Variants in ADCY6 observed in about 807,000 individuals in gnomAD.
ADCY6 encodes adenylate cyclase type 6.
Under a neutral mutation model 111.6 loss-of-function variants are expected in ADCY6, and 59 were observed. The ratio of observed to expected loss-of-function variants is 0.53; its 90% confidence interval spans 0.43 to 0.66. The LOEUF is 0.66. Among genes scored for constraint, ADCY6 ranks in the 30% least tolerant of loss-of-function variants. The pLI, the probability that ADCY6 is intolerant of heterozygous loss-of-function variation, is 0.00. For missense variants in ADCY6, 1,242 were observed against 1,595.6 expected (o/e 0.78, Z 3.78); for synonymous variants, 576 against 642.9 (o/e 0.90, Z 1.57).
At chr12:48,785,369 C>T (rs766665089) in intron 1 of ADCY6, among the ~76,000 whole-genome samples, 8 of 152,194 alleles carry the variant, frequency 5.3e-5, no homozygotes, top group Non-Finnish European at 1.0e-4. Flanking sequence ...CTTGTAATCC[C>T]AGCACTTTGG....
chr12:48,772,476 C>T (rs2137342513), intron 17 of ADCY6, 32 bp downstream of exon 17: 2 of 1,614,222 alleles, frequency 1.2e-6, no homozygotes, highest in Non-Finnish European at 1.7e-6. Context: ...TCTAATGGCT[C>T]TACCCTTTGC....
At chr12:48,774,291 G>A (rs1941633076) in intron 14 of ADCY6, 111 bp downstream of exon 14, 3 of 1,195,062 alleles carry the variant, frequency 2.5e-6, no homozygotes, top group East Asian at 4.8e-5. Context: ...CCTATTCTGG[G>A]AGGGGGCTCC....
chr12:48,777,722 C>T lies in ADCY6; in HGVS notation c.1029G>A (p.Leu343=), dbSNP rs2137366690. The change falls in exon 4 of 22, where the codon CTG becomes CTA. Residue 343 remains leucine, a synonymous_variant. Transcript: ENST00000357869. This position sits in a 1 kb window ranked among gnomAD's most constrained non-coding sequence, Gnocchi z 4.9. Reference sequence around the variant, plus strand: ...TGGCAACGTGCTGGGGCAATACCGACAGCAGCAGCCGCTCCTAGCCCAGTG... The same window carrying T: ...TGGCAACGTGCTGGGGCAATACCGATAGCAGCAGCCGCTCCTAGCCCAGTG... The part of the protein sequence containing the change: ...HENRQQERLL[L]SVLPQHVAME... 2.5e-6 allele frequency: 4 copies of T among 1,614,184 alleles called. No individual in the cohort carries two copies. The South Asian group carries it at 4.4e-5, about 18-fold the overall frequency.
rs769778978 is a variant in ADCY6, at chr12:48,782,925, G to T, written c.510C>A (p.His170Gln). The change falls in exon 2 of 22, where the codon CAC (histidine) becomes CAA (glutamine). Residue 170 changes from histidine (H) to glutamine (Q), a missense_variant. Physicochemically the swap from His to Gln is conservative, Grantham distance 24. Transcript: ENST00000357869. This position sits in a 1 kb window ranked among gnomAD's most constrained non-coding sequence, Gnocchi z 4.3. ...CAGGCTGAGGGCGGGCGGGTGCGGC[G>T]TGGAAAGCCAGCAGCACCGCTGTGA... ...VLLTAVLLAF[H>Q]AAPARPQPAY... 1.2e-6 allele frequency: 2 copies of T among 1,613,374 alleles called. No individual in the cohort carries two copies. Among genetic ancestry groups the T allele is most frequent in the African/African-American group, 2.7e-5 (2 of 74,950 alleles).
At chr12:48,772,661 G>T in intron 16 of ADCY6, 118 bp from the exon 17 acceptor site, 1 of 1,209,388 alleles carries the variant, frequency 8.3e-7, no homozygotes. Context: ...CAGGCATTGG[G>T]CCAGGGCTTT....
Position 48,772,276 on chromosome 12 carries a change from C to G in ADCY6, c.2787+19G>C, listed in dbSNP as rs3729970. ...CGCCCCTAGGTTCCTCCTCTTCCCC[C>G]AAAGGCCCACACAGTCACCTGTAGT... On this transcript the variant is annotated intron_variant, in intron 18 of 21. Coordinates refer to ENST00000357869, the MANE Select transcript of ADCY6 (RefSeq NM_015270.5). 1.1e-5 allele frequency: 18 copies of G among 1,599,574 alleles called. No homozygotes were observed. The South Asian group carries it at 1.6e-4, about 14-fold the overall frequency.
intron 16 of ADCY6, 113 bp downstream of exon 16, chr12:48,773,356 G>T (rs1024472546): frequency 8.2e-7 from 1 of 1,213,032 alleles, no homozygotes; most frequent in East Asian, 2.4e-5. Flanking sequence ...TTCCCCCACA[G>T]GGGTGTTGTG....
At position 48,788,945 on chromosome 12, in the gene ADCY6, C is replaced by T. The variant is rs1173094671; in HGVS notation, c.-44G>A. The T allele has an allele frequency of 6.9e-6, 1 of 145,892 alleles. No homozygotes were observed. The highest frequency in any genetic ancestry group is 2.5e-5 in the African/African-American group (1 of 40,390). The allele number at this position is 145,892 out of a possible 1,614,324, so 9.0% of individuals were successfully genotyped here. ...CCGCGCCTGCCCTGGGCCCCCGCCCCGCCGCCCCCGCGGGCTCCGGCCGGC... is the reference window on the plus strand; with the variant it reads ...CCGCGCCTGCCCTGGGCCCCCGCCCTGCCGCCCCCGCGGGCTCCGGCCGGC... On this transcript the variant is annotated 5_prime_UTR_variant, in exon 1 of 22. Transcript: ENST00000357869.
intron 10 of ADCY6, 40 bp from the exon 11 acceptor site, chr12:48,775,490 T>C (rs778484692): frequency 6.8e-6 from 11 of 1,610,958 alleles, no homozygotes; most frequent in African/African-American, 6.7e-5. Context: ...TGCATGGGCA[T>C]GGCCATGTGA....
At chr12:48,770,551 C>G (rs140775869) in intron 20 of ADCY6, among the ~76,000 whole-genome samples, 1 of 152,092 alleles carries the variant, frequency 6.6e-6, no homozygotes, top group Non-Finnish European at 1.5e-5. Flanking sequence ...CAATGAAAGG[C>G]GATAATAGTA....
Position 48,768,729 on chromosome 12 carries a change from G to A in ADCY6, c.3382-13C>T. ...GGTCCGTGGTCACCTGGGGGAGTGG[G>A]AGGGGAGCCCGCTTAGCCTGGAATC... On this transcript the variant is annotated splice_polypyrimidine_tract_variant and intron_variant, in intron 21 of 21. Coordinates refer to ENST00000357869, the MANE Select transcript of ADCY6 (RefSeq NM_015270.5). 2 of 1,613,208 alleles carry A rather than the reference G, an allele frequency of 1.2e-6. No individual in the cohort carries two copies. The highest frequency in any genetic ancestry group is 8.5e-7 in the Non-Finnish European group (1 of 1,179,348).
At position 48,776,795 on chromosome 12, in the gene ADCY6, G is replaced by C. The variant is rs2137362963; in HGVS notation, c.1377-209C>G. On this transcript the variant is annotated intron_variant, in intron 6 of 21. Transcript: ENST00000357869. The surrounding 1 kb of genome is among the most constrained non-coding windows in gnomAD (Gnocchi z 6.1). ...TGTGTTCAACAGCAGGGGCCCAGCA[G>C]CATCTTATGGAACTGAGCTAGGAGA... Among the ~76,000 whole-genome samples the C allele has an allele frequency of 6.6e-6, 1 of 152,306 alleles. No homozygotes were observed. Among genetic ancestry groups the C allele is most frequent in the Non-Finnish European group, 1.5e-5 (1 of 68,016 alleles).
At chr12:48,775,260 C>T in intron 11 of ADCY6, 43 bp downstream of exon 11, 1 of 1,610,790 alleles carries the variant, frequency 6.2e-7, no homozygotes, top group Non-Finnish European at 8.5e-7. Flanking sequence ...CTGCGACCTG[C>T]CCCTCCCCCA....
In ADCY6 at chr12:48,777,184, A is replaced by G. The variant is rs748138843; in HGVS notation, c.1296T>C (p.Cys432=). ...CCCGGGCCTCCGGCAGCCCTGACAC[A>G]CAGTAGTAACAGTCCCCCAAGATCT... The part of the protein sequence containing the change: ...RIKILGDCYY[C]VSGLPEARAD... The change falls in exon 6 of 22, where the codon TGT becomes TGC. Residue 432 remains cysteine, a synonymous_variant. Coordinates refer to ENST00000357869, the MANE Select transcript of ADCY6 (RefSeq NM_015270.5). This position sits in a 1 kb window ranked among gnomAD's most constrained non-coding sequence, Gnocchi z 4.9. 3.1e-5 allele frequency: 50 copies of G among 1,613,824 alleles called. No homozygotes were observed. The highest frequency in any genetic ancestry group is 4.2e-5 in the Non-Finnish European group (49 of 1,179,964).
At chr12:48,772,653 G>T in intron 16 of ADCY6, 110 bp from the exon 17 acceptor site, 1 of 1,298,112 alleles carries the variant, frequency 7.7e-7, no homozygotes, top group Non-Finnish European at 1.1e-6. Flanking sequence ...CTGTAAGTCA[G>T]GCATTGGGCC....
Position 48,776,230 on chromosome 12 carries a change from G to A in ADCY6, c.1656C>T (p.Ile552=). 6.2e-7 allele frequency: 1 copy of A among 1,614,224 alleles called. No individual in the cohort carries two copies. The highest frequency in any genetic ancestry group is 2.2e-5 in the East Asian group (1 of 44,876). The change falls in exon 8 of 22, where the codon ATC becomes ATT. Residue 552 remains isoleucine (I), a synonymous_variant. Coordinates refer to ENST00000357869, the MANE Select transcript of ADCY6 (RefSeq NM_015270.5). This position sits in a 1 kb window ranked among gnomAD's most constrained non-coding sequence, Gnocchi z 6.1. ...TGACCCGTTTCTGGCTGGCGCCCAGGATGAGGAAAGTCTCAATGTGCTGCT... is the reference window on the plus strand; with the variant it reads ...TGACCCGTTTCTGGCTGGCGCCCAGAATGAGGAAAGTCTCAATGTGCTGCT... ...LKEQHIETFL[I]LGASQKRKEE... is the part of the protein sequence containing the mutation.
intron 16 of ADCY6, among the ~76,000 whole-genome samples, chr12:48,772,967 A>T (rs1006717552): frequency 6.6e-6 from 1 of 152,196 alleles, no homozygotes; most frequent in Non-Finnish European, 1.5e-5. Flanking sequence ...AAGCTAACTC[A>T]CCTGTCTAAA....
chr12:48,768,877 A>C (rs1941446014), intron 21 of ADCY6, 60 bp downstream of exon 21: 7 of 1,565,036 alleles, frequency 4.5e-6, no homozygotes, highest in Non-Finnish European at 6.1e-6. Flanking sequence ...GACTGCAGAG[A>C]CACCTGTGGA....
chr12:48,772,665 G>C, intron 16 of ADCY6, 122 bp from the exon 17 acceptor site: 1 of 1,151,948 alleles, frequency 8.7e-7, no homozygotes, highest in East Asian at 2.5e-5. Flanking sequence ...CATTGGGCCA[G>C]GGCTTTTACT....
Sources: gnomAD v4.1 joint callset for allele counts (sites outside exome capture counted in the v4.1 genomes callset) on GRCh38, gnomAD v4.1.1 for gene constraint, Gnocchi (gnomAD v3.1) non-coding constraint, MANE v1.5 for transcripts, NCBI Gene and HGNC (gene_info 2026-07-23, HGNC 2026-07-21) for gene names.